The following TFAP2E variants were observed in gnomAD, a reference collection of about 807,000 sequenced individuals.
The protein encoded by TFAP2E is transcription factor AP-2-epsilon.
In TFAP2E, 30 loss-of-function variants were observed where a neutral mutation model predicts 37.9. The observed-to-expected ratio is 0.79, with a 90% CI of 0.59 to 1.07. The LOEUF (loss-of-function observed/expected upper bound fraction) is 1.07. Among genes scored for constraint, TFAP2E ranks in the 50% least tolerant of loss-of-function variants. The probability of loss-of-function intolerance (pLI) is 0.00; values close to 1 mark genes in which losing one functional copy is unlikely to be tolerated. For synonymous variants in TFAP2E, 318 were observed against 295.8 expected (o/e 1.08, Z -0.77); for missense variants, 567 against 637.9 (o/e 0.89, Z 1.20).
At chr1:35,587,181 C>T (rs1407937337) in intron 3 of TFAP2E, among the ~76,000 whole-genome samples, 1 of 152,200 alleles carries the variant, frequency 6.6e-6, no homozygotes, top group Non-Finnish European at 1.5e-5. Flanking sequence ...CCTTGTCTAC[C>T]AAGGCTGTCA....
In TFAP2E at chr1:35,574,986, C is replaced by A. The variant is rs1440940922; in HGVS notation, c.548C>A (p.Ser183Tyr). The A allele has an allele frequency of 5.0e-6, 8 of 1,613,868 alleles. No homozygotes were observed. The African/African-American group carries it at 9.3e-5, about 19-fold the overall frequency. The change falls in exon 3 of 7, where the codon TCC becomes TAC. Residue 183 changes from serine to tyrosine, a missense_variant. This residue lies in a region of TFAP2E where 312 missense variants were observed against 317.4 expected (regional missense o/e 0.98). Transcript: ENST00000373235. ...DEPGMSLLDQSVIKKVPIPSK... is the reference protein window; with the variant it reads ...DEPGMSLLDQYVIKKVPIPSK... ...CCGGGAATGAGCCTCCTAGACCAGTCCGTGATCAAGAAAGGTAAGGAATGG... is the reference window on the plus strand; with the variant it reads ...CCGGGAATGAGCCTCCTAGACCAGTACGTGATCAAGAAAGGTAAGGAATGG...
chr1:35,576,374 G>A (rs994721810), intron 3 of TFAP2E, among the ~76,000 whole-genome samples: 2 of 152,196 alleles, frequency 1.3e-5, no homozygotes, highest in Non-Finnish European at 2.9e-5. Context: ...TAGGAACCTG[G>A]TTGCAGCGCA....
At position 35,573,755 on chromosome 1, in the gene TFAP2E, C is replaced by G; in HGVS notation, c.27+151C>G. 1 of 1,387,546 alleles carries G rather than the reference C, an allele frequency of 7.2e-7. No individual in the cohort carries two copies. Among genetic ancestry groups the G allele is most frequent in the Non-Finnish European group, 9.5e-7 (1 of 1,056,568 alleles). The allele number at this position is 1,387,546 out of a possible 1,614,324, so 86.0% of individuals were successfully genotyped here. On this transcript the variant is annotated intron_variant, in intron 1 of 6. Coordinates refer to ENST00000373235, the MANE Select transcript of TFAP2E (RefSeq NM_178548.4). The surrounding 1 kb of genome is among the most constrained non-coding windows in gnomAD (Gnocchi z 5.9). ...GCTGAGAACGCGATGCGCAAGTGACCGCTGTCCCCAGCCTGAGGCTCCTGC... is the reference window on the plus strand; with the variant it reads ...GCTGAGAACGCGATGCGCAAGTGACGGCTGTCCCCAGCCTGAGGCTCCTGC...
Position 35,573,884 on chromosome 1 carries a change from C to A in TFAP2E, c.28-43C>A. 1 of 1,432,948 alleles carries A rather than the reference C, an allele frequency of 7.0e-7. No individual in the cohort carries two copies. Among genetic ancestry groups the A allele is most frequent in the Non-Finnish European group, 9.1e-7 (1 of 1,104,096 alleles). 88.8% of individuals were successfully genotyped at this position (1,432,948 alleles called of 1,614,324 possible). On this transcript the variant is annotated intron_variant, in intron 1 of 6. Transcript: ENST00000373235. The surrounding 1 kb of genome is among the most constrained non-coding windows in gnomAD (Gnocchi z 5.9). ...GGATCCTTTCAGGCTGGGGTCCTTT[C>A]AGCTGCCAGTGGGTCACCTAAGGCA...
intron 3 of TFAP2E, among the ~76,000 whole-genome samples, chr1:35,586,371 T>C (rs115569989): frequency 0.012 from 1,787 of 152,280 alleles, 12 homozygotes; most frequent in Non-Finnish European, 0.02. Context: ...GGTGACATCA[T>C]TTTGTCTAGC....
At position 35,588,418 on chromosome 1, in the gene TFAP2E, C is replaced by A. The variant is rs199957698; in HGVS notation, c.651C>A (p.Val217=). 1.1e-5 allele frequency: 17 copies of A among 1,612,748 alleles called. No individual in the cohort carries two copies. In the African/African-American group the frequency reaches 2.1e-4, roughly 20 times the overall value. ...GCGGCATCACAAATCCTGGTGAGGT[C>A]TTCTGCTCCGTGCCCGGCCGGCTTT... ...LVGGITNPGE[V]FCSVPGRLSL... is the part of the protein sequence containing the mutation. Residue 217 remains valine, a synonymous_variant, in exon 4 of 7, where the codon GTC becomes GTA. Coordinates refer to ENST00000373235, the MANE Select transcript of TFAP2E (RefSeq NM_178548.4). This position sits in a 1 kb window ranked among gnomAD's most constrained non-coding sequence, Gnocchi z 5.1.
chr1:35,576,257 G>A (rs555417351), intron 3 of TFAP2E, among the ~76,000 whole-genome samples: 2 of 152,322 alleles, frequency 1.3e-5, no homozygotes, highest in Admixed American at 1.3e-4. Flanking sequence ...GGATGACTTG[G>A]AGTGTGTAGC....
rs796133136 is a variant in TFAP2E, at chr1:35,587,653, A to AAAAAAG, written c.563-674_563-673insAAGAAA. Among the ~76,000 whole-genome samples, 522 of 147,610 alleles carry AAAAAAG rather than the reference A, an allele frequency of 3.5e-3. 11 individuals are homozygous for AAAAAAG. Among genetic ancestry groups the AAAAAAG allele is most frequent in the African/African-American group, 0.013 (494 of 38,476 alleles). On this transcript the variant is annotated intron_variant, in intron 3 of 6. Coordinates refer to ENST00000373235, the MANE Select transcript of TFAP2E (RefSeq NM_178548.4). ...CTCCATCTCAAAAAAAAAAAAAAAA[A>AAAAAAG]AAAGAAAGAAAGAAAGAAAATTAAC...
In TFAP2E at chr1:35,590,602, C is replaced by T. The variant is rs1464466803; in HGVS notation, c.905-32C>T. 5 of 1,441,614 alleles carry T rather than the reference C, an allele frequency of 3.5e-6. No homozygotes were observed. The highest frequency in any genetic ancestry group is 4.6e-6 in the Non-Finnish European group (5 of 1,085,296). 89.3% of individuals were successfully genotyped at this position (1,441,614 alleles called of 1,614,324 possible). On this transcript the variant is annotated intron_variant, in intron 5 of 6. Coordinates refer to ENST00000373235, the MANE Select transcript of TFAP2E (RefSeq NM_178548.4). The surrounding 1 kb of genome is among the most constrained non-coding windows in gnomAD (Gnocchi z 6.2). The stretch of plus-strand genomic sequence containing the variant: ...GCTGTGTTCCAGGCGCAGAGGTACA[C>T]CCTGCAGTAGTGACAGCTCCCCTCC...
Position 35,573,398 on chromosome 1 carries a change from C to A in TFAP2E, c.-180C>A. 1.3e-6 allele frequency: 1 copy of A among 759,878 alleles called. No individual in the cohort carries two copies. Among genetic ancestry groups the A allele is most frequent in the Non-Finnish European group, 1.9e-6 (1 of 525,772 alleles). The allele number at this position is 759,878 out of a possible 1,614,324, so 47.1% of individuals were successfully genotyped here. On this transcript the variant is annotated 5_prime_UTR_variant, in exon 1 of 7. Coordinates refer to ENST00000373235, the MANE Select transcript of TFAP2E (RefSeq NM_178548.4). This position sits in a 1 kb window ranked among gnomAD's most constrained non-coding sequence, Gnocchi z 5.9. Reference sequence around the variant, plus strand: ...CCCGTCCGTCCTGCCTCCATGGACCCGCCCGGGAACGGCCACCGCTGAGGA... The same window carrying A: ...CCCGTCCGTCCTGCCTCCATGGACCAGCCCGGGAACGGCCACCGCTGAGGA...
rs879217029 is a variant in TFAP2E, at chr1:35,590,007, G to A, written c.863G>A (p.Arg288His). The A allele has an allele frequency of 6.2e-6, 10 of 1,614,024 alleles. No individual in the cohort carries two copies. The highest frequency in any genetic ancestry group is 5.5e-5 in the South Asian group (5 of 91,064). Residue 288 changes from arginine to histidine, a missense_variant, in exon 5 of 7, where the codon CGC becomes CAC. Arg to His is a conservative substitution (Grantham distance 29). Coordinates refer to ENST00000373235, the MANE Select transcript of TFAP2E (RefSeq NM_178548.4). This position sits in a 1 kb window ranked among gnomAD's most constrained non-coding sequence, Gnocchi z 6.2. ...KIGLNLPAGR[R>H]KAANVTLLTS... is the part of the protein sequence containing the mutation. ...GGGCTCAACCTGCCAGCTGGCCGTC[G>A]CAAGGCCGCCAATGTGACGCTGCTG...
At position 35,573,970 on chromosome 1, in the gene TFAP2E, T is replaced by C; in HGVS notation, c.71T>C (p.Leu24Pro). 6.8e-7 allele frequency: 1 copy of C among 1,477,290 alleles called. No individual in the cohort carries two copies. Among genetic ancestry groups the C allele is most frequent in the East Asian group, 2.8e-5 (1 of 35,654 alleles). 91.5% of individuals were successfully genotyped at this position (1,477,290 alleles called of 1,614,324 possible). The change falls in exon 2 of 7, where the codon CTG (leucine) becomes CCG (proline). Residue 24 changes from leucine (L) to proline (P), a missense_variant. Physicochemically the swap from Leu to Pro is moderately conservative, Grantham distance 98. Transcript: ENST00000373235. The surrounding 1 kb of genome is among the most constrained non-coding windows in gnomAD (Gnocchi z 5.9). ...GLGAAAGGAR[L>P]SSLPQAAYGP... ...GGAGCAGCTGCCGGCGGGGCCCGCC[T>C]GTCGTCTCTGCCCCAGGCGGCCTAC...
chr1:35,579,076 T>C (rs1649267323), intron 3 of TFAP2E, among the ~76,000 whole-genome samples: 1 of 56,892 alleles, frequency 1.8e-5, no homozygotes, highest in African/African-American at 9.0e-5. Context: ...AGGGAGACTA[T>C]CTCAAAAAAA....
intron 2 of TFAP2E, 183 bp downstream of exon 2, chr1:35,574,592 G>T: frequency 9.1e-7 from 1 of 1,093,118 alleles, no homozygotes; most frequent in Non-Finnish European, 1.2e-6. Flanking sequence ...AAGGCTGCCT[G>T]GCACTGAGTC....
chr1:35,579,079 CAAAAAAAAA>C (rs578084271), intron 3 of TFAP2E, among the ~76,000 whole-genome samples: 34 of 16,858 alleles, frequency 2.0e-3, no homozygotes, highest in Non-Finnish European at 3.9e-3. Flanking sequence ...GAGACTATCT[CAAAAAAAAA>C]AAAAAAAAAA....
rs1649594545 is a variant in TFAP2E, at chr1:35,589,644, A to T, written c.786-286A>T. On this transcript the variant is annotated intron_variant, in intron 4 of 6. Transcript: ENST00000373235. ...GGTGTGTGTGGCCCTCTGGTGTGCTAAGGTCCCCAGGATGCCCCACCCTGG... is the reference window on the plus strand; with the variant it reads ...GGTGTGTGTGGCCCTCTGGTGTGCTTAGGTCCCCAGGATGCCCCACCCTGG... 2.0e-5 allele frequency among the ~76,000 whole-genome samples: 3 copies of T among 151,796 alleles called. No homozygotes were observed. In the South Asian group the frequency reaches 6.3e-4, roughly 32 times the overall value.
At chr1:35,579,639 C>A (rs902861524) in intron 3 of TFAP2E, among the ~76,000 whole-genome samples, 2 of 151,986 alleles carry the variant, frequency 1.3e-5, no homozygotes, top group Admixed American at 1.3e-4. Flanking sequence ...AAGTGACCTG[C>A]CCGCTTCAGC....
intron 2 of TFAP2E, 25 bp from the exon 3 acceptor site, chr1:35,574,924 C>G: frequency 6.2e-7 from 1 of 1,613,702 alleles, no homozygotes; most frequent in South Asian, 1.1e-5. Flanking sequence ...TATGCGCCCT[C>G]ACCGCTGCCC....
At chr1:35,592,380 T>C (rs1168965582) in intron 6 of TFAP2E, among the ~76,000 whole-genome samples, 1 of 152,192 alleles carries the variant, frequency 6.6e-6, no homozygotes, top group Non-Finnish European at 1.5e-5. Flanking sequence ...ACTGGGTAGC[T>C]TATAAACAAC....
Sources: gnomAD v4.1 joint callset for allele counts (sites outside exome capture counted in the v4.1 genomes callset) on GRCh38, gnomAD v4.1.1 for gene constraint, gnomAD v4.1.1 regional missense constraint, Gnocchi (gnomAD v3.1) non-coding constraint, MANE v1.5 for transcripts, NCBI Gene and HGNC (gene_info 2026-07-23, HGNC 2026-07-21) for gene names.